The following MAPK10 variants were observed in gnomAD, a reference collection of about 807,000 sequenced individuals.
MAPK10 encodes JNK3 alpha protein kinase.
A neutral mutation model predicts 59.3 loss-of-function variants in MAPK10; 25 were observed. That is an observed-to-expected ratio of 0.42 (90% CI 0.31 to 0.59). The LOEUF (loss-of-function observed/expected upper bound fraction) is 0.59, where lower values mean the gene tolerates loss of function less well. Among genes scored for constraint, MAPK10 ranks in the 20% least tolerant of loss-of-function variants. The pLI, the probability that MAPK10 is intolerant of heterozygous loss-of-function variation, is 0.15. For missense variants in MAPK10, 351 were observed against 568.9 expected (o/e 0.62, Z 3.90); for synonymous variants, 190 against 200.5 (o/e 0.95, Z 0.44).
intron 3 of MAPK10, among the ~76,000 whole-genome samples, chr4:86,185,542 A>G (rs2078002115): frequency 6.6e-6 from 1 of 152,150 alleles, no homozygotes; most frequent in Non-Finnish European, 1.5e-5. Flanking sequence ...AGTTTTAGTC[A>G]AGGAGTGACA....
chr4:86,109,950 A>G lies in MAPK10; in HGVS notation c.237-2598T>C, dbSNP rs181528582. On this transcript the variant is annotated intron_variant, in intron 4 of 13. Coordinates refer to ENST00000641462, the MANE Select transcript of MAPK10 (RefSeq NM_138982.4). ...GAATGACATAAGATGGTATCTCATT[A>G]TGGTTTTGATTTGCATTTCTCTGAT... 4.6e-3 allele frequency among the ~76,000 whole-genome samples: 705 copies of G among 152,212 alleles called. 2 individuals are homozygous for G. Among genetic ancestry groups the G allele is most frequent in the African/African-American group, 0.016 (660 of 41,560 alleles).
intron 1 of MAPK10, among the ~76,000 whole-genome samples, chr4:86,549,455 T>G (rs934566340): frequency 1.3e-5 from 2 of 152,048 alleles, no homozygotes; most frequent in African/African-American, 4.8e-5. Flanking sequence ...TATCTAAACA[T>G]AGAAAAGATA....
intron 2 of MAPK10, among the ~76,000 whole-genome samples, chr4:86,344,185 A>G (rs1208530149): frequency 6.6e-6 from 1 of 152,194 alleles, no homozygotes; most frequent in East Asian, 1.9e-4. Context: ...CCCAGGCTGG[A>G]GTGCTTATCA....
chr4:86,589,983 TAAA>T (rs74874164), intron 1 of MAPK10, among the ~76,000 whole-genome samples: 4 of 129,722 alleles, frequency 3.1e-5, no homozygotes, highest in Non-Finnish European at 3.3e-5. Flanking sequence ...GACTCCATCT[TAAA>T]AAAAAAAAAA....
At chr4:86,430,903 G>A (rs1747959077) in intron 1 of MAPK10, among the ~76,000 whole-genome samples, 1 of 152,102 alleles carries the variant, frequency 6.6e-6, no homozygotes, top group Non-Finnish European at 1.5e-5. Flanking sequence ...AATATTTGAG[G>A]CAGTTGTGTG....
chr4:86,412,230 C>CA (rs1448068545), intron 1 of MAPK10, among the ~76,000 whole-genome samples: 1 of 152,128 alleles, frequency 6.6e-6, no homozygotes, highest in Non-Finnish European at 1.5e-5. Context: ...TATTGGCCCC[C>CA]ACTCTCTTCT....
chr4:86,145,982 C>A (rs982868857), intron 4 of MAPK10, among the ~76,000 whole-genome samples: 1 of 152,180 alleles, frequency 6.6e-6, no homozygotes, highest in Non-Finnish European at 1.5e-5. Flanking sequence ...TGGGAAAATA[C>A]AGTTGAAAAA....
At chr4:86,070,900 T>C (rs2047783914) in intron 9 of MAPK10, among the ~76,000 whole-genome samples, 1 of 152,144 alleles carries the variant, frequency 6.6e-6, no homozygotes. Context: ...CATTTGGGTA[T>C]ATACCCAGTA....
chr4:86,289,897 C>CAACT (rs1242094967), intron 2 of MAPK10, among the ~76,000 whole-genome samples: 1 of 152,046 alleles, frequency 6.6e-6, no homozygotes, highest in Non-Finnish European at 1.5e-5. Context: ...TTAGCTTGAG[C>CAACT]AACTATGTGA....
chr4:86,136,414 A>G (rs1417789057), intron 4 of MAPK10, among the ~76,000 whole-genome samples: 18 of 152,060 alleles, frequency 1.2e-4, no homozygotes, highest in Admixed American at 1.2e-3. Flanking sequence ...TTCAACCCAG[A>G]ACTTCATATC....
chr4:86,365,468 A>AAAAAAAAAAAAAAAAAAC (rs1737708171), intron 1 of MAPK10, among the ~76,000 whole-genome samples: 1 of 141,930 alleles, frequency 7.0e-6, no homozygotes, highest in Non-Finnish European at 1.5e-5. Context: ...AAAAAAAAAA[A>AAAAAAAAAAAAAAAAAAC]TTCTCACCTT....
chr4:86,290,854 A>T (rs986453634), intron 2 of MAPK10, among the ~76,000 whole-genome samples: 1 of 152,332 alleles, frequency 6.6e-6, no homozygotes, highest in Non-Finnish European at 1.5e-5. Flanking sequence ...AAAAACTAGT[A>T]TGTAAAAGGA....
intron 1 of MAPK10, among the ~76,000 whole-genome samples, chr4:86,427,256 C>CAA (rs576600795): frequency 4.1e-4 from 38 of 93,654 alleles, no homozygotes; most frequent in Non-Finnish European, 4.7e-4. Flanking sequence ...GATTCTGTCT[C>CAA]AAAAAAAAAA....
chr4:86,013,596 G>A lies in MAPK10; in HGVS notation c.*3632C>T, dbSNP rs1223535207. ...TACAATTTTAAAACAAATCAAGTTT[G>A]CTTATTTTTTTTTCCTTGACAGGAC... is the stretch of plus-strand genomic sequence containing the variant. On this transcript the variant is annotated 3_prime_UTR_variant, in exon 14 of 14. Transcript: ENST00000641462. The A allele has an allele frequency of 6.6e-6, 1 of 152,012 alleles. No homozygotes were observed. The highest frequency in any genetic ancestry group is 6.6e-5 in the Admixed American group (1 of 15,254). The allele number at this position is 152,012 out of a possible 1,614,324, so 9.4% of individuals were successfully genotyped here. A position where few individuals can be genotyped will look rare whatever the true frequency, so the allele number is the denominator to read the frequency against.
intron 1 of MAPK10, among the ~76,000 whole-genome samples, chr4:86,419,271 T>C (rs909890928): frequency 6.6e-6 from 1 of 152,230 alleles, no homozygotes; most frequent in Non-Finnish European, 1.5e-5. Context: ...TTTTATCAAT[T>C]GTATTGGTTT....
At chr4:86,558,832 G>GAAA (rs55928790) in intron 1 of MAPK10, among the ~76,000 whole-genome samples, 1 of 142,604 alleles carries the variant, frequency 7.0e-6, no homozygotes, top group Admixed American at 7.0e-5. Flanking sequence ...AAACTTTCAG[G>GAAA]AAAAAAAAAA....
intron 1 of MAPK10, among the ~76,000 whole-genome samples, chr4:86,445,262 CT>C (rs1281998111): frequency 1.3e-5 from 2 of 152,114 alleles, no homozygotes; most frequent in East Asian, 3.9e-4. Context: ...AGATCATTTC[CT>C]TTGCAGGGAC....
At chr4:86,363,998 T>C (rs1737417428), upstream of MAPK10, among the ~76,000 whole-genome samples, 1 of 152,178 alleles carries the variant, frequency 6.6e-6, no homozygotes. Context: ...CATAGGCTGA[T>C]CTCGAATTCC....
At chr4:86,201,763 G>A (rs1454885203) in intron 2 of MAPK10, among the ~76,000 whole-genome samples, 1 of 151,396 alleles carries the variant, frequency 6.6e-6, no homozygotes, top group Non-Finnish European at 1.5e-5. Flanking sequence ...CTATCCCCAG[G>A]TTCACAGAGA....
Sources: allele counts gnomAD v4.1 joint callset (sites outside exome capture counted in the v4.1 genomes callset), GRCh38; gene constraint gnomAD v4.1.1; transcripts MANE v1.5; gene names NCBI Gene and HGNC (gene_info 2026-07-23, HGNC 2026-07-21).